MALAT1: variants seen among roughly 807,000 people sequenced by gnomAD.
The protein encoded by MALAT1 is metastasis associated lung adenocarcinoma transcript 1.
chr11:65,499,017 T>C (rs779859172), exon 3 of MALAT1: 1 of 518,788 alleles, frequency 1.9e-6, no homozygotes, highest in South Asian at 1.4e-5. Flanking sequence ...TCTCCGTCTA[T>C]AAATACGCCT....
rs759183919 is a variant in MALAT1, at chr11:65,498,438, CG to C, written n.179-243del. On this transcript the variant is annotated intron_variant and non_coding_transcript_variant, in intron 1 of 3. Transcript: ENST00000619449. ...GCAGCTCTGTGGTGTGGGATTGAGG[CG>C]TTTTCCAAGAGTGGGTTTTCACGTT... The C allele has an allele frequency of 1.4e-4, 72 of 518,594 alleles. No individual in the cohort carries two copies. The Middle Eastern group carries it at 2.5e-3, about 18-fold the overall frequency. 32.1% of individuals were successfully genotyped at this position (518,594 alleles called of 1,614,324 possible). A position where few individuals can be genotyped will look rare whatever the true frequency, so the allele number is the denominator to read the frequency against.
At chr11:65,499,015 T>G (rs372517124) in exon 3 of MALAT1, 4 of 518,652 alleles carry the variant, frequency 7.7e-6, no homozygotes, top group Non-Finnish European at 1.5e-5. Flanking sequence ...GTTCTCCGTC[T>G]ATAAATACGC....
At chr11:65,497,778 C>T (rs773414990) in exon 1 of MALAT1, 12 of 470,266 alleles carry the variant, frequency 2.6e-5, no homozygotes, top group South Asian at 1.7e-4. Flanking sequence ...GACTGGGGCC[C>T]CGCAACTGGC....
At chr11:65,499,114 A>T (rs766966793) in exon 3 of MALAT1, 1 of 517,996 alleles carries the variant, frequency 1.9e-6, no homozygotes, top group Non-Finnish European at 3.9e-6. Flanking sequence ...ACCGCAGATA[A>T]GTTTTTTTCT....
At chr11:65,505,473 A>C (rs775229218) in intron 3 of MALAT1, 7 of 513,044 alleles carry the variant, frequency 1.4e-5, no homozygotes, top group Non-Finnish European at 2.0e-5. Context: ...GGGGAGGGAA[A>C]GGGGGAAAGC....
chr11:65,502,947 A>G (rs1304746719), exon 3 of MALAT1: 1 of 495,658 alleles, frequency 2.0e-6, no homozygotes, highest in East Asian at 5.6e-5. Context: ...TGAAGAGGCA[A>G]TGTCCATCTC....
chr11:65,501,018 T>G (rs747606554), exon 3 of MALAT1: 18 of 508,168 alleles, frequency 3.5e-5, no homozygotes, highest in South Asian at 7.4e-5. Context: ...GTTTTTTTTT[T>G]TTACACGAAT....
At chr11:65,505,943 CT>C in intron 3 of MALAT1, 1 of 436,900 alleles carries the variant, frequency 2.3e-6, no homozygotes, top group Non-Finnish European at 4.5e-6. Context: ...TCTGCTAAGA[CT>C]TTTTCAGGTG....
At chr11:65,505,249 GGA>G (rs1456003960) in intron 3 of MALAT1, 1 of 518,390 alleles carries the variant, frequency 1.9e-6, no homozygotes. Context: ...TCCTGTGGCA[GGA>G]GAGACAACAA....
intron 3 of MALAT1, chr11:65,505,431 TAATA>T (rs561724063): frequency 2.6e-4 from 132 of 513,088 alleles, no homozygotes; most frequent in African/African-American, 2.3e-3. Context: ...CAGCTCTTAA[TAATA>T]AAGCCCAAAT....
exon 1 of MALAT1, chr11:65,497,816 A>G (rs1246779843): frequency 7.8e-6 from 4 of 510,652 alleles, no homozygotes; most frequent in South Asian, 1.4e-5. Flanking sequence ...GCGCAGCGCC[A>G]TTTTAGCAAC....
At chr11:65,501,497 A>C (rs1485528431) in exon 3 of MALAT1, 1 of 517,760 alleles carries the variant, frequency 1.9e-6, no homozygotes, top group Non-Finnish European at 3.9e-6. Flanking sequence ...TTAACCCCTT[A>C]AACTTGTTAT....
At chr11:65,499,038 G>T (rs771710314) in exon 3 of MALAT1, 1 of 518,492 alleles carries the variant, frequency 1.9e-6, no homozygotes, top group South Asian at 1.4e-5. Context: ...CGCCCGAGCT[G>T]TGCGGTAGGC....
At position 65,498,847 on chromosome 11, in the gene MALAT1, ATT is replaced by A. The variant is rs776378707; in HGVS notation, n.231+115_231+116del. ...GCTCAAATCTTTCCACACGCTAGTA[ATT>A]TAAGTATTTCTGCATGTGTAGTTTG... is the stretch of plus-strand genomic sequence containing the variant. On this transcript the variant is annotated intron_variant and non_coding_transcript_variant, in intron 2 of 3. Transcript: ENST00000619449. The A allele has an allele frequency of 1.5e-5, 8 of 518,454 alleles. No homozygotes were observed. The Admixed American group carries it at 1.6e-4, about 10-fold the overall frequency. The allele number at this position is 518,454 out of a possible 1,614,324, so 32.1% of individuals were successfully genotyped here.
exon 1 of MALAT1, chr11:65,497,760 C>T (rs780198885): frequency 1.1e-5 from 5 of 440,152 alleles, no homozygotes; most frequent in African/African-American, 4.1e-5. Flanking sequence ...CCCGAGACTT[C>T]TGTAAAGGAC....
chr11:65,506,308 A>G (rs369197447), exon 4 of MALAT1: 9 of 464,466 alleles, frequency 1.9e-5, no homozygotes, highest in South Asian at 4.8e-5. Context: ...TCCTTGATGT[A>G]TAATTTGTCA....
exon 1 of MALAT1, chr11:65,497,783 A>G (rs531029073): frequency 4.2e-6 from 2 of 477,178 alleles, no homozygotes; most frequent in Non-Finnish European, 8.4e-6. Flanking sequence ...GGGCCCCGCA[A>G]CTGGCCTCTC....
chr11:65,497,955 A>G (rs369401001), intron 1 of MALAT1: 24 of 518,840 alleles, frequency 4.6e-5, no homozygotes, highest in Non-Finnish European at 6.5e-5. Context: ...AGCTGTCCTT[A>G]TAGGCTGGCC....
intron 3 of MALAT1, chr11:65,504,834 C>T (rs1854643792): frequency 1.9e-6 from 1 of 518,822 alleles, no homozygotes; most frequent in African/African-American, 1.9e-5. Flanking sequence ...ACTCAGCAGA[C>T]ACACGTATGC....
Sources: allele counts gnomAD v4.1 joint callset, GRCh38; gene constraint gnomAD v4.1.1; transcripts MANE v1.5; gene names NCBI Gene and HGNC (gene_info 2026-07-23, HGNC 2026-07-21).